Variants in C21orf91 observed in about 807,000 individuals in gnomAD.
C21orf91 encodes the protein protein EURL homolog.
C21orf91 carries 26 observed loss-of-function variants against 32.9 expected under a neutral mutation model. The observed-to-expected ratio is 0.79, with a 90% confidence interval of 0.58 to 1.10. The LOEUF (loss-of-function observed/expected upper bound fraction) is 1.10, where lower values mean the gene tolerates loss of function less well. Ranked by LOEUF, C21orf91 falls within the 50% of genes least tolerant of loss-of-function variation. The pLI is 0.00. For synonymous variants in C21orf91, 126 were observed against 120.4 expected (o/e 1.05, Z -0.31); for missense variants, 310 against 341.3 (o/e 0.91, Z 0.72).
At chr21:17,818,147 G>A (rs537383166) in intron 2 of C21orf91, 45 bp downstream of exon 2, 5 of 1,478,708 alleles carry the variant, frequency 3.4e-6, no homozygotes, top group South Asian at 1.2e-5. Flanking sequence ...CAAAGCAGCT[G>A]TGTTAAATTC....
At position 17,818,117 on chromosome 21, in the gene C21orf91, G is replaced by A. The variant is rs539877469; in HGVS notation, c.127+75C>T. ...ATTTCCAATCATTGAAGACATTTTA[G>A]TTTTACCTTACAATCAGTACAAAGC... On this transcript the variant is annotated intron_variant, in intron 2 of 4. Coordinates refer to ENST00000284881, the MANE Select transcript of C21orf91 (RefSeq NM_001100420.2). 6.6e-6 allele frequency: 7 copies of A among 1,061,604 alleles called. No homozygotes were observed. The African/African-American group carries it at 1.1e-4, about 17-fold the overall frequency. 65.8% of individuals were successfully genotyped at this position (1,061,604 alleles called of 1,614,324 possible).
chr21:17,793,949 C>T (rs1025589419), intron 4 of C21orf91, among the ~76,000 whole-genome samples: 1 of 152,142 alleles, frequency 6.6e-6, no homozygotes, highest in Non-Finnish European at 1.5e-5. Flanking sequence ...GGTCTGGAAC[C>T]CCCTCTAAGA....
intron 1 of C21orf91, among the ~76,000 whole-genome samples, chr21:17,818,606 T>G (rs1440585889): frequency 1.3e-5 from 2 of 152,250 alleles, no homozygotes; most frequent in African/African-American, 2.4e-5. Context: ...GAAAGAGATT[T>G]GCCGGCATTC....
intron 2 of C21orf91, among the ~76,000 whole-genome samples, chr21:17,797,768 T>C (rs2062530720): frequency 6.6e-6 from 1 of 152,070 alleles, no homozygotes; most frequent in African/African-American, 2.4e-5. Flanking sequence ...TCATTTTCCA[T>C]ACAGCAGTAA....
At chr21:17,799,307 CATATA>C (rs113659885) in intron 2 of C21orf91, among the ~76,000 whole-genome samples, 110 of 152,154 alleles carry the variant, frequency 7.2e-4, no homozygotes, top group African/African-American at 9.6e-4. Flanking sequence ...CTTAATGATT[CATATA>C]ATATAATTTC....
In C21orf91 at chr21:17,793,433, G is replaced by C. The variant is rs1319047119; in HGVS notation, c.876C>G (p.His292Gln). Residue 292 changes from histidine (H) to glutamine (Q), a missense_variant, in exon 5 of 5, where the codon CAC (histidine) becomes CAG (glutamine). By Grantham distance (24) the His-to-Gln change is conservative. Transcript: ENST00000284881. ...LQVGRTGMKSHLPINN is the reference protein window; with the variant it reads ...LQVGRTGMKSQLPINN ...GTTTAGGTCAGTTGTTTATGGGTAG[G>C]TGCGACTTCATTCCTGTTCGCCCTA... is the stretch of plus-strand genomic sequence containing the variant. 1 of 1,611,086 alleles carries C rather than the reference G, an allele frequency of 6.2e-7. No homozygotes were observed. The highest frequency in any genetic ancestry group is 1.7e-5 in the Admixed American group (1 of 59,676).
At position 17,818,335 on chromosome 21, in the gene C21orf91, A is replaced by G; in HGVS notation, c.-7-10T>C. 6.3e-7 allele frequency: 1 copy of G among 1,593,908 alleles called. No individual in the cohort carries two copies. The highest frequency in any genetic ancestry group is 8.5e-7 in the Non-Finnish European group (1 of 1,169,782). On this transcript the variant is annotated splice_polypyrimidine_tract_variant and intron_variant, in intron 1 of 4. Coordinates refer to ENST00000284881, the MANE Select transcript of C21orf91 (RefSeq NM_001100420.2). The stretch of plus-strand genomic sequence containing the variant: ...TTCGTTCATAGTGCCCCTATTAAGA[A>G]ACAGAAAAGGAAAGTTACACAATTT...
intron 2 of C21orf91, among the ~76,000 whole-genome samples, chr21:17,801,550 T>G (rs1002540153): frequency 2.6e-4 from 39 of 152,142 alleles, no homozygotes; most frequent in Non-Finnish European, 3.8e-4. Flanking sequence ...GATTACAGGC[T>G]TGAGCCACCG....
chr21:17,805,798 T>C (rs768770878), intron 2 of C21orf91, among the ~76,000 whole-genome samples: 2 of 152,230 alleles, frequency 1.3e-5, no homozygotes, highest in Non-Finnish European at 2.9e-5. Context: ...CATATTCCCC[T>C]AAAGGATTTA....
chr21:17,812,069 A>C (rs1209470685), intron 2 of C21orf91, among the ~76,000 whole-genome samples: 2 of 152,176 alleles, frequency 1.3e-5, no homozygotes, highest in Non-Finnish European at 2.9e-5. Flanking sequence ...TCAATAGGAC[A>C]GGTATAAAAG....
rs2062525087 is a variant in C21orf91, at chr21:17,797,077, C to T, written c.169G>A (p.Gly57Ser). Residue 57 changes from glycine (G) to serine (S), a missense_variant, in exon 3 of 5, where the codon GGC becomes AGC. By Grantham distance (56) the Gly-to-Ser change is moderately conservative (BLOSUM62 0). Transcript: ENST00000284881. The part of the protein sequence containing the change: ...SDLLHTKSLR[G>S]HKDCFEKYHL... ...TATTTTTCAAAGCAGTCTTTATGGC[C>T]CCTTAATGATTTGGTGTGCAAGAGA... The T allele has an allele frequency of 6.2e-7, 1 of 1,608,650 alleles. No homozygotes were observed. Among genetic ancestry groups the T allele is most frequent in the South Asian group, 1.1e-5 (1 of 90,660 alleles).
At chr21:17,802,374 T>C (rs1450777289) in intron 2 of C21orf91, among the ~76,000 whole-genome samples, 1 of 152,148 alleles carries the variant, frequency 6.6e-6, no homozygotes, top group Non-Finnish European at 1.5e-5. Context: ...TCAGCCAGGC[T>C]GGTCTCAAAC....
At chr21:17,804,627 G>C (rs1437207682) in intron 2 of C21orf91, among the ~76,000 whole-genome samples, 2 of 152,232 alleles carry the variant, frequency 1.3e-5, no homozygotes, top group African/African-American at 4.8e-5. Context: ...CTGCCCTAAA[G>C]AAAGATTTAT....
At chr21:17,793,616 G>A in intron 4 of C21orf91, 35 bp from the exon 5 acceptor site, 4 of 1,416,868 alleles carry the variant, frequency 2.8e-6, no homozygotes, top group Non-Finnish European at 3.0e-6. Flanking sequence ...TTTTTAGTAT[G>A]CAGAAAGCCG....
chr21:17,803,922 A>C (rs181579124), intron 2 of C21orf91, among the ~76,000 whole-genome samples: 40 of 152,336 alleles, frequency 2.6e-4, no homozygotes, highest in Admixed American at 2.3e-3. Flanking sequence ...AAAAATTAAA[A>C]ACAAAATGAG....
chr21:17,808,378 A>G (rs1402135750), intron 2 of C21orf91, among the ~76,000 whole-genome samples: 1 of 152,230 alleles, frequency 6.6e-6, no homozygotes, highest in Non-Finnish European at 1.5e-5. Flanking sequence ...CTGGATGTCC[A>G]GGCAGAAGTC....
chr21:17,817,809 A>G (rs1275832094), intron 2 of C21orf91: 2 of 156,410 alleles, frequency 1.3e-5, no homozygotes, highest in African/African-American at 4.8e-5. Flanking sequence ...TCTCACTCAA[A>G]TACTTGCATA....
chr21:17,804,128 C>T (rs2062580107), intron 2 of C21orf91, among the ~76,000 whole-genome samples: 2 of 152,166 alleles, frequency 1.3e-5, no homozygotes, highest in African/African-American at 4.8e-5. Flanking sequence ...TGATTTTGTG[C>T]TCAATTCGAC....
intron 4 of C21orf91, 72 bp downstream of exon 4, chr21:17,795,135 TG>T: frequency 1.1e-6 from 1 of 894,818 alleles, no homozygotes; most frequent in Non-Finnish European, 1.9e-6. Context: ...ATAAAGCCAG[TG>T]GTGTCCTATC....
Sources: allele counts gnomAD v4.1 joint callset (sites outside exome capture counted in the v4.1 genomes callset), GRCh38; gene constraint gnomAD v4.1.1; transcripts MANE v1.5; gene names NCBI Gene and HGNC (gene_info 2026-07-23, HGNC 2026-07-21).